PAX5: variants seen among roughly 807,000 people sequenced by gnomAD.
PAX5 encodes the protein paired box protein Pax-5.
A neutral mutation model predicts 43.7 loss-of-function variants in PAX5; 9 were observed. The observed-to-expected ratio is 0.21, with a 90% CI of 0.12 to 0.36. The LOEUF is 0.36. PAX5 is among the 10% of genes least tolerant of loss of function. PAX5 has a pLI of 1.00. For missense variants in PAX5, 383 were observed against 532.7 expected, an observed-to-expected ratio of 0.72 and a Z score of 2.77; for synonymous variants, 228 against 214.3, an observed-to-expected ratio of 1.06 and a Z score of -0.56.
chr9:36,924,762 A>T (rs1183274168), intron 6 of PAX5, among the ~76,000 whole-genome samples: 4 of 81,896 alleles, frequency 4.9e-5, no homozygotes, highest in East Asian at 3.3e-4. Context: ...GAAGGAAGGA[A>T]GGAAGGAAGG....
intron 5 of PAX5, among the ~76,000 whole-genome samples, chr9:36,994,996 A>G (rs910158052): frequency 4.6e-5 from 7 of 152,102 alleles, no homozygotes; most frequent in Non-Finnish European, 7.4e-5. Context: ...AACTCAGGTA[A>G]CAACCCACCT....
At chr9:37,000,844 T>C (rs1308464614) in intron 5 of PAX5, among the ~76,000 whole-genome samples, 1 of 152,192 alleles carries the variant, frequency 6.6e-6, no homozygotes, top group Non-Finnish European at 1.5e-5. Flanking sequence ...TGCAATGAGA[T>C]CTCATTCCTT....
chr9:36,857,387 G>T (rs1360605921), intron 8 of PAX5, among the ~76,000 whole-genome samples: 2 of 152,178 alleles, frequency 1.3e-5, no homozygotes, highest in Admixed American at 6.5e-5. Context: ...ACTCCATTCA[G>T]AGCTCAGAGC....
Position 37,020,813 on chromosome 9 carries a change from C to A in PAX5, c.47-12G>T, listed in dbSNP as rs761950646. ...CACTCCTCCATGTCCTGAAACAGAT[C>A]AGAAACAAAAGGAAAGGGAAAGGGT... On this transcript the variant is annotated splice_polypyrimidine_tract_variant and intron_variant, in intron 1 of 9. Transcript: ENST00000358127. The A allele has an allele frequency of 6.2e-7, 1 of 1,613,382 alleles. No individual in the cohort carries two copies. The highest frequency in any genetic ancestry group is 8.5e-7 in the Non-Finnish European group (1 of 1,179,406).
intron 8 of PAX5, among the ~76,000 whole-genome samples, chr9:36,848,434 CT>C (rs1822812887): frequency 6.6e-6 from 1 of 151,978 alleles, no homozygotes; most frequent in Non-Finnish European, 1.5e-5. Flanking sequence ...GCCTGACAGG[CT>C]GAGCCTTCCA....
At chr9:36,874,794 T>C (rs972275449) in intron 8 of PAX5, among the ~76,000 whole-genome samples, 2 of 152,174 alleles carry the variant, frequency 1.3e-5, no homozygotes, top group African/African-American at 4.8e-5. Context: ...GAGCTCTTGA[T>C]TTGAGCGTTA....
chr9:36,920,451 TC>T (rs1830077158), intron 7 of PAX5, among the ~76,000 whole-genome samples: 3 of 152,160 alleles, frequency 2.0e-5, no homozygotes, highest in Admixed American at 2.0e-4. Context: ...GGCAAGACCC[TC>T]CACCAGCAAA....
chr9:37,024,688 C>T (rs1187019977), intron 1 of PAX5, among the ~76,000 whole-genome samples: 1 of 152,190 alleles, frequency 6.6e-6, no homozygotes, highest in Non-Finnish European at 1.5e-5. Context: ...GGGAGCACTT[C>T]CCACGGAGGG....
chr9:36,868,506 T>C (rs997673174), intron 8 of PAX5, among the ~76,000 whole-genome samples: 35 of 151,872 alleles, frequency 2.3e-4, no homozygotes, highest in African/African-American at 8.2e-4. Flanking sequence ...AGCCTTAAAT[T>C]TGGGTCTAGG....
At chr9:36,912,819 G>A (rs530551883) in intron 7 of PAX5, among the ~76,000 whole-genome samples, 1 of 152,296 alleles carries the variant, frequency 6.6e-6, no homozygotes, top group East Asian at 1.9e-4. Context: ...CCCCTTCGGT[G>A]GCTCTTAATC....
At chr9:36,879,337 T>C (rs759606271) in intron 8 of PAX5, among the ~76,000 whole-genome samples, 1 of 152,250 alleles carries the variant, frequency 6.6e-6, no homozygotes, top group Non-Finnish European at 1.5e-5. Flanking sequence ...TGGATAAACT[T>C]GGCAAAGTTC....
chr9:37,011,347 C>T (rs1210696227), intron 3 of PAX5, among the ~76,000 whole-genome samples: 1 of 152,148 alleles, frequency 6.6e-6, no homozygotes, highest in Non-Finnish European at 1.5e-5. Context: ...TGAATTCTAG[C>T]TTCTCTTGAA....
Position 36,877,429 on chromosome 9 carries a change from T to C in PAX5, c.1012+4575A>G, listed in dbSNP as rs1826019120. ...AGTGGGGAAAAAACACCCCGAAGAT[T>C]TTGGGATTCCCTCTAGATTGCACCA... On this transcript the variant is annotated intron_variant, in intron 8 of 9. Transcript: ENST00000358127. Among the ~76,000 whole-genome samples, 4 of 152,194 alleles carry C rather than the reference T, an allele frequency of 2.6e-5. No homozygotes were observed. In the South Asian group the frequency reaches 8.3e-4, roughly 32 times the overall value.
intron 3 of PAX5, among the ~76,000 whole-genome samples, chr9:37,011,997 G>T (rs73646307): frequency 0.028 from 4,287 of 152,250 alleles, 191 homozygotes; most frequent in African/African-American, 0.093. Flanking sequence ...ATGCTGGGAT[G>T]GCTCTGGCTT....
In PAX5 at chr9:36,833,741, AAAG is replaced by A. The variant is rs1194003545; in HGVS notation, c.*6816_*6818del. 1 of 233,248 alleles carries A rather than the reference AAAG, an allele frequency of 4.3e-6. No homozygotes were observed. The highest frequency in any genetic ancestry group is 2.2e-5 in the African/African-American group (1 of 45,464). 14.4% of individuals were successfully genotyped at this position (233,248 alleles called of 1,614,324 possible). A position where few individuals can be genotyped will look rare whatever the true frequency, so the allele number is the denominator to read the frequency against. On this transcript the variant is annotated 3_prime_UTR_variant, in exon 10 of 10. Transcript: ENST00000358127. ...AAGTCAGTTATTTTCTACTAGAAAA[AAAG>A]AATACAAAACATACACATTTTTTAA...
chr9:36,845,297 C>T (rs990984459), intron 9 of PAX5, among the ~76,000 whole-genome samples: 4 of 152,214 alleles, frequency 2.6e-5, no homozygotes, highest in African/African-American at 9.6e-5. Context: ...CTCCCTACCC[C>T]CACCCCTGCT....
chr9:36,938,848 G>C (rs1177232731), intron 6 of PAX5, among the ~76,000 whole-genome samples: 1 of 152,194 alleles, frequency 6.6e-6, no homozygotes, highest in East Asian at 1.9e-4. Flanking sequence ...GCCACATACA[G>C]CTGCGAGGGC....
At position 36,840,223 on chromosome 9, in the gene PAX5, GT is replaced by G. The variant is rs1233173203; in HGVS notation, c.*336del. On this transcript the variant is annotated 3_prime_UTR_variant, in exon 10 of 10. Coordinates refer to ENST00000358127, the MANE Select transcript of PAX5 (RefSeq NM_016734.3). ...AGCAAGCTCTCCTTCCCAGGCTGGG[GT>G]GGTTATGATGGATGGATAGTCAGAC... is the stretch of plus-strand genomic sequence containing the variant. The G allele has an allele frequency of 6.2e-6, 3 of 482,496 alleles. No individual in the cohort carries two copies. The East Asian group carries it at 1.1e-4, about 18-fold the overall frequency. 29.9% of individuals were successfully genotyped at this position (482,496 alleles called of 1,614,324 possible).
chr9:37,014,864 C>T, intron 3 of PAX5, 133 bp downstream of exon 3: 1 of 797,214 alleles, frequency 1.3e-6, no homozygotes. Context: ...CATTAGCATC[C>T]CTCCTGTTCA....
Sources: allele counts gnomAD v4.1 joint callset (sites outside exome capture counted in the v4.1 genomes callset), GRCh38; gene constraint gnomAD v4.1.1; transcripts MANE v1.5; gene names NCBI Gene and HGNC (gene_info 2026-07-23, HGNC 2026-07-21).